Variants in PSEN1 observed in about 807,000 individuals in gnomAD.
The protein encoded by PSEN1 is presenilin-1.
PSEN1 carries 15 observed loss-of-function variants against 53.5 expected under a neutral mutation model. The ratio of observed to expected loss-of-function variants is 0.28; its 90% CI spans 0.19 to 0.43. The LOEUF (loss-of-function observed/expected upper bound fraction) is 0.43, where lower values mean the gene tolerates loss of function less well. PSEN1 is among the 20% of genes least tolerant of loss of function. The pLI, the probability that PSEN1 is intolerant of heterozygous loss-of-function variation, is 1.00. For missense variants in PSEN1, 387 were observed against 571.2 expected, an observed-to-expected ratio of 0.68 and a Z score of 3.29; for synonymous variants, 208 against 209.8, an observed-to-expected ratio of 0.99 and a Z score of 0.08.
rs1230590394 is a variant in PSEN1, at chr14:73,184,422, G to A, written c.481-2431G>A. On this transcript the variant is annotated intron_variant, in intron 5 of 11. Transcript: ENST00000324501. ...CCCCCACCTCCCTCTCCGACGGGGCGGCTGGCCTGGCAGAGGGGCTCCTCA... is the reference window on the plus strand; with the variant it reads ...CCCCCACCTCCCTCTCCGACGGGGCAGCTGGCCTGGCAGAGGGGCTCCTCA... 5.1e-4 allele frequency among the ~76,000 whole-genome samples: 60 copies of A among 117,594 alleles called. 2 individuals are homozygous for A. Among genetic ancestry groups the A allele is most frequent in the Non-Finnish European group, 8.2e-4 (45 of 54,812 alleles). 77.1% of individuals were successfully genotyped at this position (117,594 alleles called of 152,430 possible).
chr14:73,211,853 A>G lies in PSEN1; in HGVS notation c.1040A>G (p.His347Arg). The change falls in exon 10 of 12, where the codon CAT becomes CGT. Residue 347 changes from histidine (H) to arginine (R), a missense_variant. Physicochemically the swap from His to Arg is conservative, Grantham distance 29. This residue lies in a region of PSEN1 where 75 missense variants were observed against 63.7 expected (regional missense o/e 1.18). Transcript: ENST00000324501. Reference sequence around the variant, plus strand: ...GAATGGGAAGCCCAGAGGGACAGTCATCTAGGGCCTCATCGCTCTACACCT... The same window carrying G: ...GAATGGGAAGCCCAGAGGGACAGTCGTCTAGGGCCTCATCGCTCTACACCT... ...SEEWEAQRDS[H>R]LGPHRSTPES... 3 of 1,613,570 alleles carry G rather than the reference A, an allele frequency of 1.9e-6. No homozygotes were observed. The highest frequency in any genetic ancestry group is 2.5e-6 in the Non-Finnish European group (3 of 1,179,864).
Position 73,198,013 on chromosome 14 carries a change from A to T in PSEN1, c.770-18A>T. 6.9e-7 allele frequency: 1 copy of T among 1,450,216 alleles called. No individual in the cohort carries two copies. The highest frequency in any genetic ancestry group is 9.7e-7 in the Non-Finnish European group (1 of 1,032,354). The allele number at this position is 1,450,216 out of a possible 1,614,324, so 89.8% of individuals were successfully genotyped here. A position where few individuals can be genotyped will look rare whatever the true frequency, so the allele number is the denominator to read the frequency against. ...CCATACATTTTATTAGATGTCTTTT[A>T]TGTTTTTCTTTTTCTAGATTTAGTG... On this transcript the variant is annotated intron_variant, in intron 7 of 11. Transcript: ENST00000324501.
At chr14:73,148,879 G>A (rs1219881163) in intron 3 of PSEN1, among the ~76,000 whole-genome samples, 2 of 152,130 alleles carry the variant, frequency 1.3e-5, no homozygotes, top group African/African-American at 4.8e-5. Context: ...GTTACAGTGA[G>A]CTGACGTCGC....
At chr14:73,214,824 T>C (rs1322965004) in intron 10 of PSEN1, among the ~76,000 whole-genome samples, 2 of 152,122 alleles carry the variant, frequency 1.3e-5, no homozygotes, top group Non-Finnish European at 2.9e-5. Context: ...AGTTTCAGTT[T>C]TACAAGATGA....
chr14:73,197,762 C>T, intron 7 of PSEN1: 1 of 448,754 alleles, frequency 2.2e-6, no homozygotes, highest in Non-Finnish European at 4.1e-6. Context: ...TCCTATACCC[C>T]AGTAACGATA....
chr14:73,199,471 G>A (rs1251804984), intron 8 of PSEN1, among the ~76,000 whole-genome samples: 1 of 152,196 alleles, frequency 6.6e-6, no homozygotes, highest in Non-Finnish European at 1.5e-5. Flanking sequence ...TGAAATGGCT[G>A]CATAGTGTTC....
At chr14:73,203,896 A>G (rs1414534571) in intron 8 of PSEN1, among the ~76,000 whole-genome samples, 1 of 152,254 alleles carries the variant, frequency 6.6e-6, no homozygotes, top group Non-Finnish European at 1.5e-5. Flanking sequence ...AGGCATGACT[A>G]TAATCCCAGG....
intron 8 of PSEN1, among the ~76,000 whole-genome samples, chr14:73,205,919 C>T (rs1044261989): frequency 2.0e-5 from 3 of 152,228 alleles, no homozygotes; most frequent in South Asian, 2.1e-4. Context: ...TTTCTCACGC[C>T]GGGTTTAAAA....
intron 5 of PSEN1, among the ~76,000 whole-genome samples, chr14:73,176,226 T>C (rs754156805): frequency 2.0e-5 from 3 of 152,264 alleles, no homozygotes; most frequent in Non-Finnish European, 4.4e-5. Flanking sequence ...AAGCAAGTGA[T>C]ATAAACCCAT....
At chr14:73,212,173 C>T (rs1201809462) in intron 10 of PSEN1, among the ~76,000 whole-genome samples, 6 of 117,604 alleles carry the variant, frequency 5.1e-5, no homozygotes, top group East Asian at 2.9e-4. Flanking sequence ...TGCAATGGTG[C>T]GATCTTGGCT....
intron 1 of PSEN1, among the ~76,000 whole-genome samples, chr14:73,139,104 A>T (rs1228370738): frequency 6.6e-6 from 1 of 150,442 alleles, no homozygotes; most frequent in Non-Finnish European, 1.5e-5. Flanking sequence ...TCACGCGGTG[A>T]AACCCCGTCT....
chr14:73,160,362 T>G (rs114498425), intron 3 of PSEN1, among the ~76,000 whole-genome samples: 114 of 152,378 alleles, frequency 7.5e-4, no homozygotes, highest in Middle Eastern at 3.4e-3. Flanking sequence ...GCTATGCACA[T>G]ATCTGTTTGA....
intron 3 of PSEN1, among the ~76,000 whole-genome samples, chr14:73,148,317 A>G (rs1426488401): frequency 6.6e-6 from 1 of 152,018 alleles, no homozygotes; most frequent in African/African-American, 2.4e-5. Context: ...ACATATCACC[A>G]CCTCAGTTGA....
At chr14:73,203,764 C>T (rs1245243804) in intron 8 of PSEN1, among the ~76,000 whole-genome samples, 3 of 152,140 alleles carry the variant, frequency 2.0e-5, no homozygotes, top group Non-Finnish European at 4.4e-5. Flanking sequence ...ACTCTGGGAG[C>T]TTAACTAGAA....
At chr14:73,183,286 T>G (rs1225998872) in intron 5 of PSEN1, among the ~76,000 whole-genome samples, 3 of 122,166 alleles carry the variant, frequency 2.5e-5, no homozygotes, top group Non-Finnish European at 5.2e-5. Flanking sequence ...TCTGGCTAAT[T>G]TTTGTATTTT....
chr14:73,153,843 G>T (rs904473745), intron 3 of PSEN1, among the ~76,000 whole-genome samples: 1 of 151,488 alleles, frequency 6.6e-6, no homozygotes, highest in Non-Finnish European at 1.5e-5. Context: ...CTCCCGAGTA[G>T]TTGGGATTAA....
intron 3 of PSEN1, among the ~76,000 whole-genome samples, chr14:73,153,568 C>G (rs1211927742): frequency 1.3e-5 from 2 of 151,784 alleles, no homozygotes; most frequent in African/African-American, 4.8e-5. Context: ...CTTGCCAGTT[C>G]TTTGGTTAAG....
In PSEN1 at chr14:73,211,755, A is replaced by G. The variant is rs1364564967; in HGVS notation, c.956-14A>G. The G allele has an allele frequency of 6.2e-7, 1 of 1,613,710 alleles. No homozygotes were observed. Among genetic ancestry groups the G allele is most frequent in the Non-Finnish European group, 8.5e-7 (1 of 1,179,838 alleles). On this transcript the variant is annotated splice_polypyrimidine_tract_variant and intron_variant, in intron 9 of 11. Transcript: ENST00000324501. The stretch of plus-strand genomic sequence containing the variant: ...TCTAAATATTAGAGCTGTAACTTCC[A>G]CTTTCTCTTGAAGGCACAGAAAGGG...
At chr14:73,145,558 C>T (rs1210577566) in intron 1 of PSEN1, among the ~76,000 whole-genome samples, 3 of 151,120 alleles carry the variant, frequency 2.0e-5, no homozygotes, top group Admixed American at 6.6e-5. Context: ...AGGCTAGTCA[C>T]GAACTCCTGG....
Sources: allele counts gnomAD v4.1 joint callset (sites outside exome capture counted in the v4.1 genomes callset), GRCh38; gene constraint gnomAD v4.1.1; regional missense constraint gnomAD v4.1.1; transcripts MANE v1.5; gene names NCBI Gene and HGNC (gene_info 2026-07-23, HGNC 2026-07-21).